Variants in CYB5R4 observed in about 807,000 individuals in gnomAD.
CYB5R4 encodes N-terminal cytochrome b5 and cytochrome b5 oxidoreductase domain-containing protein.
CYB5R4 carries 55 observed loss-of-function variants against 70.2 expected under a neutral mutation model. That is an observed-to-expected ratio of 0.78 (90% confidence interval 0.63 to 0.98). CYB5R4 has a LOEUF of 0.98. CYB5R4 is among the 50% of genes least tolerant of loss of function. The pLI is 0.00. For synonymous variants in CYB5R4, 197 were observed against 199.5 expected, an observed-to-expected ratio of 0.99 and a Z score of 0.11; for missense variants, 562 against 612.6, an observed-to-expected ratio of 0.92 and a Z score of 0.87.
chr6:83,950,020 T>C (rs2099471274), intron 14 of CYB5R4, among the ~76,000 whole-genome samples: 1 of 152,174 alleles, frequency 6.6e-6, no homozygotes, highest in Non-Finnish European at 1.5e-5. Context: ...AGTGACACGA[T>C]ATTGTGTTTA....
chr6:83,901,274 G>C (rs1343679847), intron 3 of CYB5R4, among the ~76,000 whole-genome samples: 2 of 152,210 alleles, frequency 1.3e-5, no homozygotes, highest in Non-Finnish European at 2.9e-5. Flanking sequence ...TTTTCTTGAA[G>C]AATGTTGAAT....
intron 3 of CYB5R4, among the ~76,000 whole-genome samples, chr6:83,905,965 G>A (rs1429778820): frequency 6.6e-6 from 1 of 152,148 alleles, no homozygotes; most frequent in Admixed American, 6.5e-5. Context: ...GGAGTGTTCA[G>A]GTGCCAGTGT....
intron 12 of CYB5R4, among the ~76,000 whole-genome samples, chr6:83,939,666 A>G (rs2099469454): frequency 6.6e-6 from 1 of 152,188 alleles, no homozygotes; most frequent in African/African-American, 2.4e-5. Context: ...GGTAAGACAA[A>G]TATATATGGA....
chr6:83,914,831 G>T (rs916361560), intron 5 of CYB5R4, among the ~76,000 whole-genome samples: 1 of 107,252 alleles, frequency 9.3e-6, no homozygotes, highest in Non-Finnish European at 1.8e-5. Flanking sequence ...CACTGTGCCC[G>T]GCCTAGATTT....
chr6:83,936,872 G>C (rs1161684414), intron 12 of CYB5R4, among the ~76,000 whole-genome samples: 1 of 152,206 alleles, frequency 6.6e-6, no homozygotes, highest in Non-Finnish European at 1.5e-5. Context: ...AAATACTTGT[G>C]CTACTCAGAG....
intron 3 of CYB5R4, among the ~76,000 whole-genome samples, chr6:83,899,332 A>G (rs2099462468): frequency 6.6e-6 from 1 of 152,144 alleles, no homozygotes; most frequent in South Asian, 2.1e-4. Context: ...ATCATGGTGG[A>G]TAAGCTTTTT....
chr6:83,944,750 G>T (rs2129143922), intron 14 of CYB5R4, among the ~76,000 whole-genome samples: 1 of 151,716 alleles, frequency 6.6e-6, no homozygotes, highest in East Asian at 1.9e-4. Context: ...GATTTACCAA[G>T]CCAATGGAAA....
chr6:83,948,844 C>A (rs1416926681), intron 14 of CYB5R4, among the ~76,000 whole-genome samples: 2 of 150,802 alleles, frequency 1.3e-5, no homozygotes, highest in Middle Eastern at 3.2e-3. Context: ...CTTTTTTTTT[C>A]ATGTCTGGAT....
chr6:83,881,767 AG>A (rs1375372885), intron 2 of CYB5R4, among the ~76,000 whole-genome samples: 1 of 152,148 alleles, frequency 6.6e-6, no homozygotes, highest in Non-Finnish European at 1.5e-5. Flanking sequence ...CATTTTAGAA[AG>A]TTTTCAGCAT....
intron 14 of CYB5R4, among the ~76,000 whole-genome samples, chr6:83,952,974 T>A: frequency 6.6e-6 from 1 of 152,258 alleles, no homozygotes; most frequent in East Asian, 1.9e-4. Context: ...AAACTGTTTC[T>A]TTTTCCCCAG....
chr6:83,947,962 T>C (rs977945803), intron 14 of CYB5R4, among the ~76,000 whole-genome samples: 38 of 152,168 alleles, frequency 2.5e-4, no homozygotes, highest in Non-Finnish European at 4.6e-4. Context: ...GACAGTGTGG[T>C]GATTTCTTAA....
intron 7 of CYB5R4, among the ~76,000 whole-genome samples, chr6:83,920,138 A>C (rs551608695): frequency 1.2e-4 from 19 of 152,340 alleles, no homozygotes; most frequent in African/African-American, 4.6e-4. Flanking sequence ...AAATATGCAG[A>C]CAATTTAAAA....
chr6:83,923,113 G>T (rs1393547275), intron 9 of CYB5R4, among the ~76,000 whole-genome samples: 1 of 149,296 alleles, frequency 6.7e-6, no homozygotes, highest in East Asian at 2.0e-4. Context: ...CTGACATGCA[G>T]CTTATAGAAA....
chr6:83,922,842 G>A (rs1336507877), intron 9 of CYB5R4, among the ~76,000 whole-genome samples: 1 of 151,930 alleles, frequency 6.6e-6, no homozygotes, highest in Non-Finnish European at 1.5e-5. Context: ...AGGTTGGACT[G>A]CAGCAGTGTG....
intron 2 of CYB5R4, among the ~76,000 whole-genome samples, chr6:83,874,120 CCTCCT>C (rs1449269627): frequency 1.4e-4 from 13 of 92,414 alleles, no homozygotes; most frequent in African/African-American, 4.6e-4. Context: ...CCTCCCCTCC[CCTCCT>C]CTCCCCTCCC....
intron 7 of CYB5R4, among the ~76,000 whole-genome samples, chr6:83,920,875 A>G (rs1270587980): frequency 1.3e-5 from 2 of 152,166 alleles, no homozygotes; most frequent in African/African-American, 4.8e-5. Flanking sequence ...TTAAACAGAG[A>G]CAAATATGTA....
At chr6:83,934,892 G>A (rs1588581488) in intron 11 of CYB5R4, among the ~76,000 whole-genome samples, 157 bp downstream of exon 11, 1 of 152,296 alleles carries the variant, frequency 6.6e-6, no homozygotes, top group African/African-American at 2.4e-5. Context: ...TGACTGCAAC[G>A]TGTCCTACAT....
At chr6:83,883,247 A>G (rs1305876218) in intron 2 of CYB5R4, among the ~76,000 whole-genome samples, 3 of 152,142 alleles carry the variant, frequency 2.0e-5, no homozygotes, top group Non-Finnish European at 4.4e-5. Context: ...CAAAATAAAA[A>G]TGTTTAATAA....
intron 2 of CYB5R4, among the ~76,000 whole-genome samples, chr6:83,874,317 A>G (rs1280477605): frequency 6.6e-6 from 1 of 150,814 alleles, no homozygotes; most frequent in African/African-American, 2.4e-5. Flanking sequence ...CAGCCTCCAA[A>G]GTAGCTGGAA....
Sources: allele counts gnomAD v4.1 joint callset (sites outside exome capture counted in the v4.1 genomes callset), GRCh38; gene constraint gnomAD v4.1.1; transcripts MANE v1.5; gene names NCBI Gene and HGNC (gene_info 2026-07-23, HGNC 2026-07-21).